The following GNB1L variants were observed in gnomAD, a reference collection of about 807,000 sequenced individuals.
GNB1L encodes guanine nucleotide-binding protein subunit beta-like protein 1.
GNB1L carries 20 observed loss-of-function variants against 29.1 expected under a neutral mutation model. That is an observed-to-expected ratio of 0.69 (90% confidence interval 0.48 to 1.00). GNB1L has a LOEUF of 1.00. Ranked by LOEUF, GNB1L falls within the 50% of genes least tolerant of loss-of-function variation. The pLI is 0.00. For missense variants in GNB1L, 421 were observed against 464.9 expected, an observed-to-expected ratio of 0.91 and a Z score of 0.87; for synonymous variants, 193 against 206.5, an observed-to-expected ratio of 0.93 and a Z score of 0.56.
At chr22:19,847,803 G>GTAAAAAAAAAA in intron 2 of GNB1L, 1 of 439,106 alleles carries the variant, frequency 2.3e-6, no homozygotes, top group Non-Finnish European at 2.7e-6. Context: ...GGAATCATAG[G>GTAAAAAAAAAA]CAAAAAAAAA....
intron 2 of GNB1L, chr22:19,846,488 G>C: frequency 1.0e-6 from 1 of 985,250 alleles, no homozygotes; most frequent in Non-Finnish European, 1.2e-6. Flanking sequence ...CTGCACACAG[G>C]CATGTGGAGA....
intron 7 of GNB1L, among the ~76,000 whole-genome samples, chr22:19,789,581 G>A (rs1163743063): frequency 2.0e-5 from 3 of 151,916 alleles, no homozygotes; most frequent in Admixed American, 1.3e-4. Context: ...TGGGGGCAAC[G>A]TCCCCGGCTG....
At chr22:19,789,490 G>T (rs1937227626) in intron 7 of GNB1L, among the ~76,000 whole-genome samples, 1 of 152,024 alleles carries the variant, frequency 6.6e-6, no homozygotes, top group Admixed American at 6.5e-5. Flanking sequence ...GCAAGACCCA[G>T]TGGGGGGTTG....
chr22:19,817,555 C>A (rs1270001135), intron 4 of GNB1L, among the ~76,000 whole-genome samples: 1 of 152,196 alleles, frequency 6.6e-6, no homozygotes, highest in African/African-American at 2.4e-5. Flanking sequence ...ACGGAGCTCA[C>A]GGAGATAAAG....
chr22:19,798,829 C>T (rs1395054852), intron 7 of GNB1L, among the ~76,000 whole-genome samples: 1 of 152,258 alleles, frequency 6.6e-6, no homozygotes. Flanking sequence ...CTAGGGCCTG[C>T]TCCAGCCCTG....
At chr22:19,844,662 T>C (rs1937923058) in intron 2 of GNB1L, among the ~76,000 whole-genome samples, 1 of 152,140 alleles carries the variant, frequency 6.6e-6, no homozygotes, top group Non-Finnish European at 1.5e-5. Flanking sequence ...TCTCACGCTG[T>C]GGCTGGGGAT....
intron 2 of GNB1L, among the ~76,000 whole-genome samples, chr22:19,837,474 G>A (rs1024854097): frequency 1.3e-5 from 2 of 152,144 alleles, no homozygotes; most frequent in African/African-American, 4.8e-5. Flanking sequence ...TGGCAAATAA[G>A]GACATGAAAA....
At chr22:19,792,740 C>T (rs1008720328) in intron 7 of GNB1L, 10 of 1,504,436 alleles carry the variant, frequency 6.6e-6, no homozygotes, top group South Asian at 4.6e-5. Context: ...TGGTGGAGAA[C>T]AAGAAAGCTC....
chr22:19,842,500 G>A (rs985581829), intron 2 of GNB1L, among the ~76,000 whole-genome samples: 1 of 152,238 alleles, frequency 6.6e-6, no homozygotes, highest in African/African-American at 2.4e-5. Flanking sequence ...AGCCCAGGAC[G>A]GGGGTGGGAG....
At chr22:19,845,875 CAA>C (rs1467990070) in intron 2 of GNB1L, among the ~76,000 whole-genome samples, 1 of 152,222 alleles carries the variant, frequency 6.6e-6, no homozygotes, top group Non-Finnish European at 1.5e-5. Flanking sequence ...TTAAAACTTG[CAA>C]AGACAACTTG....
chr22:19,833,971 G>C (rs1030928485), intron 2 of GNB1L, among the ~76,000 whole-genome samples: 5 of 151,536 alleles, frequency 3.3e-5, no homozygotes, highest in African/African-American at 1.2e-4. Context: ...AAAAAAGATT[G>C]AAATAAGTGG....
intron 2 of GNB1L, among the ~76,000 whole-genome samples, chr22:19,844,230 A>G (rs1937914342): frequency 6.6e-6 from 1 of 152,158 alleles, no homozygotes; most frequent in East Asian, 1.9e-4. Flanking sequence ...ACACGCCCAA[A>G]TGGCGTGATT....
rs909029743 is a variant in GNB1L at position 19,847,421 on chromosome 22, G to A, written c.-21+7022C>T. 2.3e-5 allele frequency: 23 copies of A among 984,552 alleles called. No individual in the cohort carries two copies. In the African/African-American group the frequency reaches 3.5e-4, roughly 15 times the overall value. 61.0% of individuals were successfully genotyped at this position (984,552 alleles called of 1,614,324 possible). A position where few individuals can be genotyped will look rare whatever the true frequency, so the allele number is the denominator to read the frequency against. On this transcript the variant is annotated intron_variant, in intron 2 of 7. Transcript: ENST00000329517. ...TTCAAAAAACAGTGACACCCATGAG[G>A]TGGGTGTTAGAGGGCCCAGACCCCA... is the stretch of plus-strand genomic sequence containing the variant.
chr22:19,812,168 C>T (rs541292760), intron 5 of GNB1L, 117 bp downstream of exon 5: 14 of 1,101,200 alleles, frequency 1.3e-5, no homozygotes, highest in South Asian at 6.5e-5. Flanking sequence ...CTGAAGCTGC[C>T]GGCAGGTGGG....
At chr22:19,820,574 G>T (rs1215732456) in intron 4 of GNB1L, 24 bp downstream of exon 4, 23 of 1,602,352 alleles carry the variant, frequency 1.4e-5, no homozygotes, top group Non-Finnish European at 2.0e-5. Flanking sequence ...GGCCATACCT[G>T]GCTCCTGCAC....
chr22:19,810,328 G>A (rs1425663453), intron 5 of GNB1L, among the ~76,000 whole-genome samples: 1 of 152,206 alleles, frequency 6.6e-6, no homozygotes, highest in Non-Finnish European at 1.5e-5. Flanking sequence ...GGACAGTGAG[G>A]GGACATCAAG....
At position 19,795,773 on chromosome 22, in the gene GNB1L, C is replaced by G. The variant is rs191067989; in HGVS notation, c.732+6228G>C. ...AGGCTGGGAGCTGAATTCTCAGCAG[C>G]CCAGGGAGGTGGCAGGACCTAGACC... On this transcript the variant is annotated intron_variant, in intron 7 of 7. Coordinates refer to ENST00000329517, the MANE Select transcript of GNB1L (RefSeq NM_053004.3). Among the ~76,000 whole-genome samples the G allele has an allele frequency of 1.8e-3, 269 of 152,336 alleles. 1 individual carries two copies. Among genetic ancestry groups the G allele is most frequent in the Middle Eastern group, 3.4e-3 (1 of 294 alleles).
At position 19,820,643 on chromosome 22, in the gene GNB1L, C is replaced by T; in HGVS notation, c.209G>A (p.Cys70Tyr). 2 of 1,613,340 alleles carry T rather than the reference C, an allele frequency of 1.2e-6. No individual in the cohort carries two copies. Among genetic ancestry groups the T allele is most frequent in the Non-Finnish European group, 1.7e-6 (2 of 1,179,870 alleles). Residue 70 changes from cysteine to tyrosine, a missense_variant, in exon 4 of 8, where the codon TGT (cysteine) becomes TAT (tyrosine). By Grantham distance (194) the Cys-to-Tyr change is radical (BLOSUM62 -2). Transcript: ENST00000329517. ...GGGCAGCGTCTGCAGCCAGGTCACA[C>T]ACTGGCCGCCGTGGCCATCCAGGGT... ...VTTLDGHGGQCVTWLQTLPQG... is the reference protein window; with the variant it reads ...VTTLDGHGGQYVTWLQTLPQG...
intron 7 of GNB1L, chr22:19,792,636 T>C: frequency 6.3e-7 from 1 of 1,584,558 alleles, no homozygotes; most frequent in Non-Finnish European, 8.6e-7. Context: ...GCAGAGACTG[T>C]TGGCCTGGGC....
Sources: allele counts gnomAD v4.1 joint callset (sites outside exome capture counted in the v4.1 genomes callset), GRCh38; gene constraint gnomAD v4.1.1; transcripts MANE v1.5; gene names NCBI Gene and HGNC (gene_info 2026-07-23, HGNC 2026-07-21).